DPP6: variants seen among roughly 807,000 people sequenced by gnomAD.
DPP6 encodes dipeptidyl peptidase like 6, also known as A-type potassium channel modulatory protein DPP6.
In DPP6, 69 loss-of-function variants were observed where a neutral mutation model predicts 122.6. The ratio of observed to expected loss-of-function variants is 0.56; its 90% CI spans 0.46 to 0.69. DPP6 has a LOEUF of 0.69. Among genes scored for constraint, DPP6 ranks in the 30% least tolerant of loss-of-function variants. The probability of loss-of-function intolerance (pLI) is 0.00; values close to 1 mark genes in which losing one functional copy is unlikely to be tolerated. For synonymous variants in DPP6, 418 were observed against 433.1 expected (o/e 0.97, Z 0.43); for missense variants, 928 against 1,116.9 (o/e 0.83, Z 2.41).
chr7:154,579,916 C>T lies in DPP6; in HGVS notation c.627+13000C>T, dbSNP rs565760481. On this transcript the variant is annotated intron_variant, in intron 5 of 25. Coordinates refer to ENST00000377770, the MANE Select transcript of DPP6 (RefSeq NM_130797.4). ...CTTGGGGCAAAAGTAGGCTAACCTC[C>T]GTGCACACCCTGGAACAAAATCTTT... Among the ~76,000 whole-genome samples the T allele has an allele frequency of 5.6e-4, 85 of 152,172 alleles. 2 individuals carry two copies. The South Asian group carries it at 0.014, about 25-fold the overall frequency.
chr7:154,249,267 G>A (rs550307176), intron 1 of DPP6, among the ~76,000 whole-genome samples: 7 of 152,302 alleles, frequency 4.6e-5, no homozygotes, highest in African/African-American at 7.2e-5. Context: ...GGTTTTGTGC[G>A]TCAAGCACAA....
intron 9 of DPP6, 45 bp from the exon 10 acceptor site, chr7:154,772,800 G>C (rs1475484004): frequency 6.3e-7 from 1 of 1,588,248 alleles, no homozygotes; most frequent in East Asian, 2.3e-5. Flanking sequence ...GTTCACTCTT[G>C]TATAAGGCTG....
chr7:154,196,889 A>C (rs554347906), intron 1 of DPP6, among the ~76,000 whole-genome samples: 2 of 152,134 alleles, frequency 1.3e-5, no homozygotes, highest in Non-Finnish European at 1.5e-5. Flanking sequence ...ATTAAAATTC[A>C]TCTCTACCCC....
At chr7:153,918,566 GTCTCTCTCTCTCTCTCTCTCTCTCTC>G (rs59605527) in intron 1 of DPP6, among the ~76,000 whole-genome samples, 4,319 of 103,752 alleles carry the variant, frequency 0.042, 210 homozygotes, top group Middle Eastern at 0.054. Context: ...CACACACACA[GTCTCTCTCTCTCTCTCTCTCTCTCTC>G]TCTCTCTCTC....
At chr7:153,849,657 A>C in the DPP6 span, among the ~76,000 whole-genome samples, 8 of 152,082 alleles carry the variant, frequency 5.3e-5, no homozygotes, top group African/African-American at 1.9e-4. Context: ...CATGTGTTTC[A>C]AGGCTGGGTT....
At chr7:154,596,358 G>A (rs1191290134) in intron 5 of DPP6, among the ~76,000 whole-genome samples, 2 of 152,236 alleles carry the variant, frequency 1.3e-5, no homozygotes, top group Non-Finnish European at 1.5e-5. Context: ...AGAAGGAGAG[G>A]CACGACTCGC....
intron 1 of DPP6, among the ~76,000 whole-genome samples, chr7:153,918,565 A>ACACACACACACACACACACTCTCT (rs1563006095): frequency 3.5e-5 from 2 of 57,614 alleles, no homozygotes; most frequent in East Asian, 7.2e-4. Context: ...ACACACACAC[A>ACACACACACACACACACACTCTCT]GTCTCTCTCT....
In DPP6 at chr7:154,766,138, A is replaced by T. The variant is rs576063373; in HGVS notation, c.884-3279A>T. ...ATGTGTTCAAGGACACCTAGGGAAA[A>T]TAAACTAAAGCTGCCCTAGTTTTGT... On this transcript the variant is annotated intron_variant, in intron 8 of 25. Coordinates refer to ENST00000377770, the MANE Select transcript of DPP6 (RefSeq NM_130797.4). Among the ~76,000 whole-genome samples, 6 of 152,324 alleles carry T rather than the reference A, an allele frequency of 3.9e-5. No homozygotes were observed. In the South Asian group the frequency reaches 1.2e-3, roughly 32 times the overall value.
At chr7:154,822,090 G>A (rs979731610) in intron 16 of DPP6, among the ~76,000 whole-genome samples, 1 of 151,656 alleles carries the variant, frequency 6.6e-6, no homozygotes, top group African/African-American at 2.4e-5. Flanking sequence ...CTCCTTCCCT[G>A]GGGCTCTGAG....
intron 5 of DPP6, among the ~76,000 whole-genome samples, chr7:154,594,294 C>T (rs530680318): frequency 6.6e-6 from 1 of 152,276 alleles, no homozygotes; most frequent in South Asian, 2.1e-4. Flanking sequence ...ATTTCCAAAA[C>T]TGCCCGACAG....
At chr7:154,256,500 A>G (rs941477984) in intron 1 of DPP6, among the ~76,000 whole-genome samples, 3 of 152,246 alleles carry the variant, frequency 2.0e-5, no homozygotes, top group Admixed American at 6.5e-5. Context: ...TCTTCCAAAT[A>G]TCTTTAAAGA....
chr7:154,863,942 C>T lies in DPP6; in HGVS notation c.1715-4053C>T, dbSNP rs73728617. 0.042 allele frequency among the ~76,000 whole-genome samples: 6,365 copies of T among 152,052 alleles called. 434 individuals carry two copies. Among genetic ancestry groups the T allele is most frequent in the African/African-American group, 0.14 (5,833 of 41,444 alleles). The stretch of plus-strand genomic sequence containing the variant: ...ATGGCCTAGCCCTGGGGTAAGCGGA[C>T]GGCAGCTGCAAGAGCACAGGGAGGG... On this transcript the variant is annotated intron_variant, in intron 17 of 25. Coordinates refer to ENST00000377770, the MANE Select transcript of DPP6 (RefSeq NM_130797.4). This position sits in a 1 kb window ranked among gnomAD's most constrained non-coding sequence, Gnocchi z 4.1.
rs776575038 is a variant in DPP6, at chr7:154,588,007, G to A, written c.627+21091G>A. The A allele has an allele frequency of 3.1e-6, 5 of 1,612,754 alleles. No homozygotes were observed. The Admixed American group carries it at 8.3e-5, about 27-fold the overall frequency. On this transcript the variant is annotated intron_variant, in intron 5 of 25. Transcript: ENST00000377770. ...ATTGTCATACGAGTGTGGCAGGTGT[G>A]AGGCATCGCATCTGCTCACCCCGGG...
intron 1 of DPP6, among the ~76,000 whole-genome samples, chr7:154,229,778 C>A (rs1158159758): frequency 2.0e-5 from 3 of 151,628 alleles, no homozygotes; most frequent in Non-Finnish European, 4.4e-5. Context: ...CTGATGGAGG[C>A]TTTTTTTTCA....
intron 5 of DPP6, among the ~76,000 whole-genome samples, chr7:154,586,774 C>T (rs1832481755): frequency 6.6e-6 from 1 of 152,176 alleles, no homozygotes; most frequent in African/African-American, 2.4e-5. Flanking sequence ...CTACCTTGTC[C>T]AGCTGGTGAT....
At chr7:154,400,179 A>T (rs1815445682) in intron 1 of DPP6, among the ~76,000 whole-genome samples, 1 of 152,200 alleles carries the variant, frequency 6.6e-6, no homozygotes, top group African/African-American at 2.4e-5. Context: ...GCCCTGGAGA[A>T]GCCAAGGCCT....
At chr7:153,765,541 T>TA in the DPP6 span, among the ~76,000 whole-genome samples, 22 of 102,652 alleles carry the variant, frequency 2.1e-4, no homozygotes, top group East Asian at 1.2e-3. Context: ...AAACTTCATG[T>TA]AAAAAAACAA....
At chr7:154,204,491 A>C (rs1394822751) in intron 1 of DPP6, among the ~76,000 whole-genome samples, 1 of 152,158 alleles carries the variant, frequency 6.6e-6, no homozygotes, top group African/African-American at 2.4e-5. Context: ...TCAATGACTT[A>C]AGGGTGCTTC....
At chr7:154,840,367 G>C (rs11243319) in intron 16 of DPP6, among the ~76,000 whole-genome samples, 102,569 of 152,110 alleles carry the variant, frequency 0.67, 35,622 homozygotes, top group East Asian at 0.83. Context: ...ACCTCAGCCT[G>C]CATGCAGACT....
Sources: gnomAD v4.1 joint callset for allele counts (sites outside exome capture counted in the v4.1 genomes callset) on GRCh38, gnomAD v4.1.1 for gene constraint, Gnocchi (gnomAD v3.1) non-coding constraint, MANE v1.5 for transcripts, NCBI Gene and HGNC (gene_info 2026-07-23, HGNC 2026-07-21) for gene names.